Variants in CORIN observed in about 807,000 individuals in gnomAD.
CORIN encodes the protein atrial natriuretic peptide-converting enzyme.
A neutral mutation model predicts 125.3 loss-of-function variants in CORIN; 117 were observed. That is an observed-to-expected ratio of 0.93 (90% confidence interval 0.80 to 1.09). The LOEUF (loss-of-function observed/expected upper bound fraction) is 1.09. CORIN is among the 50% of genes least tolerant of loss of function. The pLI is 0.00. For missense variants in CORIN, 1,253 were observed against 1,306.7 expected (o/e 0.96, Z 0.63); for synonymous variants, 450 against 466.4 (o/e 0.96, Z 0.45).
chr4:47,608,768 A>G (rs1181970191), intron 19 of CORIN, among the ~76,000 whole-genome samples: 1 of 152,208 alleles, frequency 6.6e-6, no homozygotes, highest in Non-Finnish European at 1.5e-5. Flanking sequence ...CATATGTCAG[A>G]CACACTATAG....
intron 16 of CORIN, among the ~76,000 whole-genome samples, chr4:47,635,406 T>G (rs17462720): frequency 0.26 from 39,787 of 152,166 alleles, 5,439 homozygotes; most frequent in Admixed American, 0.36. Context: ...CTGCCTCAAG[T>G]AGGATTGTCA....
At chr4:47,661,644 A>C (rs1338565698) in intron 12 of CORIN, 67 bp downstream of exon 12, 2 of 1,389,760 alleles carry the variant, frequency 1.4e-6, no homozygotes, top group East Asian at 4.7e-5. Flanking sequence ...AAATAGAAGA[A>C]ATTCAAAAGG....
intron 5 of CORIN, among the ~76,000 whole-genome samples, chr4:47,700,378 G>A (rs1726230485): frequency 6.6e-6 from 1 of 152,156 alleles, no homozygotes; most frequent in South Asian, 2.1e-4. Context: ...GGTGTACAGT[G>A]TGTGGATTCA....
intron 9 of CORIN, among the ~76,000 whole-genome samples, chr4:47,677,107 A>G (rs1362157831): frequency 6.6e-6 from 1 of 152,232 alleles, no homozygotes; most frequent in Non-Finnish European, 1.5e-5. Context: ...ATATGCTTTA[A>G]TGTAGTAGCC....
chr4:47,651,387 A>T (rs1007579850), intron 13 of CORIN, among the ~76,000 whole-genome samples: 1 of 152,250 alleles, frequency 6.6e-6, no homozygotes, highest in African/African-American at 2.4e-5. Context: ...GAAAACAGAA[A>T]GACAAACAGC....
At chr4:47,705,961 A>T (rs1166703278) in intron 5 of CORIN, among the ~76,000 whole-genome samples, 1 of 152,234 alleles carries the variant, frequency 6.6e-6, no homozygotes, top group African/African-American at 2.4e-5. Flanking sequence ...CCAACACAAA[A>T]ATATGAATCC....
chr4:47,612,978 G>C (rs545333275), intron 19 of CORIN, among the ~76,000 whole-genome samples: 2 of 152,186 alleles, frequency 1.3e-5, no homozygotes, highest in Admixed American at 1.3e-4. Context: ...AGACCTTCAA[G>C]AATCAAGTTT....
intron 15 of CORIN, 113 bp downstream of exon 15, chr4:47,643,033 A>G: frequency 3.8e-6 from 6 of 1,561,276 alleles, no homozygotes; most frequent in Non-Finnish European, 5.2e-6. Context: ...TAACAGTAAA[A>G]CAAAATAGAT....
chr4:47,770,337 T>G (rs951133294), intron 3 of CORIN, among the ~76,000 whole-genome samples: 1 of 152,040 alleles, frequency 6.6e-6, no homozygotes, highest in African/African-American at 2.4e-5. Flanking sequence ...TGGCTATTAC[T>G]AAAACAAAAA....
At chr4:47,795,659 G>T (rs890579370) in intron 2 of CORIN, among the ~76,000 whole-genome samples, 7 of 151,860 alleles carry the variant, frequency 4.6e-5, no homozygotes, top group Non-Finnish European at 7.4e-5. Flanking sequence ...AACAGAGGTT[G>T]AGTGGACCTA....
chr4:47,835,383 A>G (rs1447394873), intron 1 of CORIN, among the ~76,000 whole-genome samples: 1 of 152,228 alleles, frequency 6.6e-6, no homozygotes, highest in Admixed American at 6.5e-5. Context: ...ACGCTCAGCA[A>G]CAATTCAGTG....
intron 3 of CORIN, among the ~76,000 whole-genome samples, chr4:47,784,707 T>C (rs754884540): frequency 1.3e-5 from 2 of 152,260 alleles, no homozygotes; most frequent in Non-Finnish European, 2.9e-5. Context: ...AAAAACACTG[T>C]TCTTAAGAAT....
chr4:47,766,187 T>C (rs1482426244), intron 3 of CORIN, among the ~76,000 whole-genome samples: 1 of 152,182 alleles, frequency 6.6e-6, no homozygotes, highest in Non-Finnish European at 1.5e-5. Flanking sequence ...TAGGTTTGGT[T>C]TGGCTGTAGT....
chr4:47,741,933 G>A (rs1343854524), intron 5 of CORIN, among the ~76,000 whole-genome samples: 12 of 151,960 alleles, frequency 7.9e-5, no homozygotes, highest in Admixed American at 7.9e-4. Context: ...GCTAATGCGT[G>A]TAGGTTTCTT....
At chr4:47,627,148 A>C (rs747663529) in intron 16 of CORIN, among the ~76,000 whole-genome samples, 1 of 152,056 alleles carries the variant, frequency 6.6e-6, no homozygotes, top group Non-Finnish European at 1.5e-5. Flanking sequence ...ACGCCCAGCT[A>C]ATTTTTATAT....
chr4:47,764,586 A>G (rs968108174), intron 3 of CORIN, among the ~76,000 whole-genome samples: 1 of 152,244 alleles, frequency 6.6e-6, no homozygotes, highest in African/African-American at 2.4e-5. Flanking sequence ...TCTATATTAT[A>G]CATGAGAAAA....
intron 5 of CORIN, among the ~76,000 whole-genome samples, chr4:47,704,986 C>A (rs939013551): frequency 6.6e-6 from 1 of 152,150 alleles, no homozygotes; most frequent in African/African-American, 2.4e-5. Flanking sequence ...AGAGGCATGG[C>A]GACCCAGTGG....
At chr4:47,784,580 T>C (rs1488370835) in intron 3 of CORIN, among the ~76,000 whole-genome samples, 1 of 152,168 alleles carries the variant, frequency 6.6e-6, no homozygotes, top group African/African-American at 2.4e-5. Context: ...TCTTAACAAA[T>C]AATGGAACTT....
At chr4:47,638,183 T>C (rs1723102948) in intron 16 of CORIN, among the ~76,000 whole-genome samples, 1 of 152,220 alleles carries the variant, frequency 6.6e-6, no homozygotes, top group Non-Finnish European at 1.5e-5. Context: ...ATTTACCCAA[T>C]GCCTGTACCC....
Sources: allele counts gnomAD v4.1 joint callset (sites outside exome capture counted in the v4.1 genomes callset), GRCh38; gene constraint gnomAD v4.1.1; transcripts MANE v1.5; gene names NCBI Gene and HGNC (gene_info 2026-07-23, HGNC 2026-07-21).